FUBP1: variants seen among roughly 807,000 people sequenced by gnomAD.
FUBP1 encodes far upstream element binding protein 1.
Under a neutral mutation model 94.9 loss-of-function variants are expected in FUBP1, and 16 were observed. That is an observed-to-expected ratio of 0.17 (90% CI 0.11 to 0.26). FUBP1 has a LOEUF of 0.26. FUBP1 is among the 10% of genes least tolerant of loss of function. FUBP1 has a pLI of 1.00. For synonymous variants in FUBP1, 279 were observed against 254.9 expected, an observed-to-expected ratio of 1.09 and a Z score of -0.90; for missense variants, 583 against 808.6, an observed-to-expected ratio of 0.72 and a Z score of 3.38.
intron 18 of FUBP1, among the ~76,000 whole-genome samples, chr1:77,953,217 C>A (rs999333948): frequency 6.6e-6 from 1 of 151,748 alleles, no homozygotes; most frequent in African/African-American, 2.4e-5. Context: ...AGGCTGGGTG[C>A]AGTGGCTCAC....
intron 6 of FUBP1, 42 bp downstream of exon 6, chr1:77,966,842 T>C (rs1349692506): frequency 1.5e-6 from 2 of 1,336,428 alleles, no homozygotes; most frequent in East Asian, 4.6e-5. Flanking sequence ...AAAAAGCTAG[T>C]TTTCTAGTCA....
At chr1:77,949,863 CAT>C (rs1347580298) in intron 18 of FUBP1, among the ~76,000 whole-genome samples, 2 of 152,150 alleles carry the variant, frequency 1.3e-5, no homozygotes, top group African/African-American at 4.8e-5. Flanking sequence ...TACACACACA[CAT>C]AATAAGATGT....
intron 1 of FUBP1, among the ~76,000 whole-genome samples, chr1:77,971,315 A>G (rs547064677): frequency 6.6e-6 from 1 of 152,206 alleles, no homozygotes; most frequent in East Asian, 1.9e-4. Flanking sequence ...GAAATCTTCC[A>G]TGAAAAAATA....
chr1:77,972,226 G>A (rs1002662556), intron 1 of FUBP1, among the ~76,000 whole-genome samples: 3 of 152,012 alleles, frequency 2.0e-5, no homozygotes, highest in Non-Finnish European at 4.4e-5. Context: ...GCTGGGTATC[G>A]ACAGGCACTA....
At chr1:77,953,373 C>T (rs1278158807) in intron 18 of FUBP1, among the ~76,000 whole-genome samples, 19 of 152,138 alleles carry the variant, frequency 1.2e-4, no homozygotes, top group Admixed American at 1.2e-3. Context: ...CGCCTGTAAT[C>T]CCAGCTACTT....
At chr1:77,969,109 A>G in intron 2 of FUBP1, 1 of 998,646 alleles carries the variant, frequency 1.0e-6, no homozygotes, top group Non-Finnish European at 1.4e-6. Context: ...AAAAGAATAC[A>G]TTACATACAA....
At chr1:77,959,370 C>T (rs952624833) in intron 16 of FUBP1, among the ~76,000 whole-genome samples, 15 of 151,994 alleles carry the variant, frequency 9.9e-5, no homozygotes, top group African/African-American at 3.4e-4. Flanking sequence ...AATAATTAAA[C>T]GTATTTGGGC....
intron 18 of FUBP1, among the ~76,000 whole-genome samples, chr1:77,951,185 G>T (rs1473779478): frequency 6.6e-6 from 1 of 152,178 alleles, no homozygotes; most frequent in Non-Finnish European, 1.5e-5. Flanking sequence ...AAACCCCATT[G>T]TAAGAGTTAC....
intron 16 of FUBP1, 22 bp downstream of exon 16, chr1:77,960,162 A>C: frequency 6.6e-7 from 1 of 1,524,784 alleles, no homozygotes; most frequent in Non-Finnish European, 9.1e-7. Context: ...CAGATAACAC[A>C]CAAATAATAA....
In FUBP1 at chr1:77,979,008, T is replaced by G. The variant is rs761124346; in HGVS notation, c.-4A>C. The G allele has an allele frequency of 2.5e-6, 4 of 1,610,296 alleles. No individual in the cohort carries two copies. ...GCACTGTTGAATAGTCTGCCATGGTTGCACTATAAGAGCCGCTGCCGCCTG... is the reference window on the plus strand; with the variant it reads ...GCACTGTTGAATAGTCTGCCATGGTGGCACTATAAGAGCCGCTGCCGCCTG... On this transcript the variant is annotated 5_prime_UTR_variant, in exon 1 of 20. Transcript: ENST00000370768.
intron 18 of FUBP1, among the ~76,000 whole-genome samples, chr1:77,954,389 A>G (rs1654058869): frequency 6.6e-6 from 1 of 152,256 alleles, no homozygotes; most frequent in Admixed American, 6.5e-5. Context: ...AGCCTCAGAA[A>G]GAGACGGAAC....
chr1:77,968,188 T>TTAG lies in FUBP1; in HGVS notation c.224_226dup (p.Ala75_Lys76insThr). 1 of 1,542,610 alleles carries TTAG rather than the reference T, an allele frequency of 6.5e-7. No individual in the cohort carries two copies. Among genetic ancestry groups the TTAG allele is most frequent in the Non-Finnish European group, 8.7e-7 (1 of 1,152,230 alleles). ...ACAGTCATTTTGAGGAGCAACTTTC[T>TTAG]TAGCATCTGGTTGATCTGCAAAATT... On this transcript the variant is annotated inframe_insertion, in exon 3 of 20. Transcript: ENST00000370768.
rs370947446 is a variant in FUBP1, at chr1:77,964,043, T to C, written c.1041+19A>G. 2.2e-5 allele frequency: 31 copies of C among 1,387,354 alleles called. No homozygotes were observed. The African/African-American group carries it at 4.1e-4, about 18-fold the overall frequency. The allele number at this position is 1,387,354 out of a possible 1,614,324, so 85.9% of individuals were successfully genotyped here. A position where few individuals can be genotyped will look rare whatever the true frequency, so the allele number is the denominator to read the frequency against. On this transcript the variant is annotated intron_variant, in intron 12 of 19. Transcript: ENST00000370768. ...TTTCCATAAAAACAAAAAATGAAAA[T>C]GTTAACTTTCTATCAAACCTGAACA...
intron 1 of FUBP1, among the ~76,000 whole-genome samples, chr1:77,977,450 C>CG (rs1658864573): frequency 6.6e-6 from 1 of 152,102 alleles, no homozygotes; most frequent in African/African-American, 2.4e-5. Context: ...TGCTTGAAGC[C>CG]GGGAGGCAGA....
chr1:77,979,072 G>T lies in FUBP1; in HGVS notation c.-68C>A, dbSNP rs1024967489. On this transcript the variant is annotated 5_prime_UTR_variant, in exon 1 of 20. Coordinates refer to ENST00000370768, the MANE Select transcript of FUBP1 (RefSeq NM_003902.5). Reference sequence around the variant, plus strand: ...TCTCAGCTAACAGCTAAGAAAGAAAGAAAATGGCGGCCGTCGAAGCTCTAT... The same window carrying T: ...TCTCAGCTAACAGCTAAGAAAGAAATAAAATGGCGGCCGTCGAAGCTCTAT... 1 of 1,441,354 alleles carries T rather than the reference G, an allele frequency of 6.9e-7. No individual in the cohort carries two copies. Among genetic ancestry groups the T allele is most frequent in the Non-Finnish European group, 9.3e-7 (1 of 1,074,034 alleles). The allele number at this position is 1,441,354 out of a possible 1,614,324, so 89.3% of individuals were successfully genotyped here. A position where few individuals can be genotyped will look rare whatever the true frequency, so the allele number is the denominator to read the frequency against.
At chr1:77,955,617 C>T (rs1235704365) in intron 17 of FUBP1, among the ~76,000 whole-genome samples, 3 of 152,220 alleles carry the variant, frequency 2.0e-5, no homozygotes, top group South Asian at 2.1e-4. Context: ...AGGTTTCTCA[C>T]GTTTGTAAAC....
Position 77,955,339 on chromosome 1 carries a change from GCAAAA to G in FUBP1, c.1706-15_1706-11del. On this transcript the variant is annotated splice_polypyrimidine_tract_variant and intron_variant, in intron 17 of 19. Coordinates refer to ENST00000370768, the MANE Select transcript of FUBP1 (RefSeq NM_003902.5). ...GGATTCTGCTGATCTCCTTGTTCAAGCAAAACAAAACAAAAAACAGAATTAAAGTT... is the reference window on the plus strand; with the variant it reads ...GGATTCTGCTGATCTCCTTGTTCAAGCAAAACAAAAAACAGAATTAAAGTT... 1.9e-6 allele frequency: 3 copies of G among 1,541,298 alleles called. No individual in the cohort carries two copies. Among genetic ancestry groups the G allele is most frequent in the Non-Finnish European group, 2.7e-6 (3 of 1,115,188 alleles).
At chr1:77,948,954 C>A (rs548428808) in intron 19 of FUBP1, 180 bp from the exon 20 acceptor site, 2 of 983,542 alleles carry the variant, frequency 2.0e-6, no homozygotes. Flanking sequence ...AAAGGCATTG[C>A]AGAAATATTC....
At chr1:77,961,694 C>T (rs760498381) in intron 14 of FUBP1, among the ~76,000 whole-genome samples, 4 of 152,204 alleles carry the variant, frequency 2.6e-5, no homozygotes, top group African/African-American at 4.8e-5. Flanking sequence ...CACCAAATTG[C>T]TTCTCCAAAA....
Sources: allele counts gnomAD v4.1 joint callset (sites outside exome capture counted in the v4.1 genomes callset), GRCh38; gene constraint gnomAD v4.1.1; transcripts MANE v1.5; gene names NCBI Gene and HGNC (gene_info 2026-07-23, HGNC 2026-07-21).